The following DLGAP1 variants were observed in gnomAD, a reference collection of about 807,000 sequenced individuals.
DLGAP1 encodes the protein disks large-associated protein 1.
In DLGAP1, 11 loss-of-function variants were observed where a neutral mutation model predicts 90.8. The ratio of observed to expected loss-of-function variants is 0.12; its 90% CI spans 0.08 to 0.20. DLGAP1 has a LOEUF of 0.20. Ranked by LOEUF, DLGAP1 falls within the 10% of genes least tolerant of loss-of-function variation. The probability of loss-of-function intolerance (pLI) is 1.00; values close to 1 mark genes in which losing one functional copy is unlikely to be tolerated. For missense variants in DLGAP1, 1,050 were observed against 1,333.8 expected (o/e 0.79, Z 3.31); for synonymous variants, 558 against 540.7 (o/e 1.03, Z -0.44).
chr18:3,779,172 C>T (rs2065073952), intron 5 of DLGAP1, among the ~76,000 whole-genome samples: 1 of 152,188 alleles, frequency 6.6e-6, no homozygotes, highest in African/African-American at 2.4e-5. Flanking sequence ...TTCTCCTGTC[C>T]TGTCTCCCTG....
rs1042813741 is a variant in DLGAP1 at position 3,969,794 on chromosome 18, A to G, written c.-73+35322T>C. ...TTCTATGTCTGTCAGCTTGCAGTTA[A>G]GGAGGCTCTAGCCAGCGATGATCCT... On this transcript the variant is annotated intron_variant, in intron 3 of 12. Coordinates refer to ENST00000315677, the MANE Select transcript of DLGAP1 (RefSeq NM_004746.4). Among the ~76,000 whole-genome samples the G allele has an allele frequency of 5.3e-5, 8 of 152,180 alleles. No individual in the cohort carries two copies. In the South Asian group the frequency reaches 1.4e-3, roughly 28 times the overall value.
chr18:3,850,341 G>A (rs939218513), intron 4 of DLGAP1, among the ~76,000 whole-genome samples: 10 of 151,938 alleles, frequency 6.6e-5, no homozygotes, highest in African/African-American at 2.4e-4. Flanking sequence ...GCAGTGAGCT[G>A]AGATTGTGTC....
chr18:3,714,067 A>T (rs1232709083), intron 7 of DLGAP1, among the ~76,000 whole-genome samples: 1 of 152,176 alleles, frequency 6.6e-6, no homozygotes, highest in Non-Finnish European at 1.5e-5. Context: ...CATCAGAAAC[A>T]ATTTCTTAGG....
chr18:4,430,202 G>A (rs753826743), intron 1 of DLGAP1, among the ~76,000 whole-genome samples: 13 of 152,096 alleles, frequency 8.5e-5, no homozygotes, highest in Non-Finnish European at 1.6e-4. Flanking sequence ...TGTGGTTAGG[G>A]TATTTGTTGA....
At chr18:4,394,279 A>C (rs941946676) in intron 1 of DLGAP1, among the ~76,000 whole-genome samples, 6 of 152,212 alleles carry the variant, frequency 3.9e-5, no homozygotes, top group African/African-American at 1.4e-4. Flanking sequence ...ATAAGTGGGC[A>C]CAATTCTAAT....
intron 2 of DLGAP1, among the ~76,000 whole-genome samples, chr18:4,018,434 A>G (rs529100025): frequency 6.6e-6 from 1 of 152,368 alleles, no homozygotes; most frequent in African/African-American, 2.4e-5. Flanking sequence ...ATTTTCCAGA[A>G]GGGATACAGC....
rs180746916 is a variant in DLGAP1, at chr18:3,682,632, T to C, written c.1591+46503A>G. Among the ~76,000 whole-genome samples the C allele has an allele frequency of 7.6e-4, 116 of 152,252 alleles. 1 individual carries two copies. The East Asian group carries it at 0.021, about 28-fold the overall frequency. On this transcript the variant is annotated intron_variant, in intron 7 of 12. Coordinates refer to ENST00000315677, the MANE Select transcript of DLGAP1 (RefSeq NM_004746.4). Reference sequence around the variant, plus strand: ...AAGAAGGTGTTTGGCTATGGTTAAGTTATTTTGGTCTTAGTTGTGTAATCT... The same window carrying C: ...AAGAAGGTGTTTGGCTATGGTTAAGCTATTTTGGTCTTAGTTGTGTAATCT...
rs182600013 is a variant in DLGAP1, at chr18:3,823,486, C to T, written c.958-9213G>A. On this transcript the variant is annotated intron_variant, in intron 4 of 12. Coordinates refer to ENST00000315677, the MANE Select transcript of DLGAP1 (RefSeq NM_004746.4). Reference sequence around the variant, plus strand: ...ACTTAGTGGTATTAAATAACTTAGACCAAATGTTACAGCTTGTCAGAATTG... The same window carrying T: ...ACTTAGTGGTATTAAATAACTTAGATCAAATGTTACAGCTTGTCAGAATTG... 2.0e-4 allele frequency among the ~76,000 whole-genome samples: 30 copies of T among 152,246 alleles called. No individual in the cohort carries two copies. The East Asian group carries it at 4.0e-3, about 21-fold the overall frequency.
intron 2 of DLGAP1, among the ~76,000 whole-genome samples, chr18:4,134,410 C>T (rs896505846): frequency 6.6e-5 from 10 of 152,068 alleles, no homozygotes; most frequent in African/African-American, 2.4e-4. Flanking sequence ...CCTGCACCTT[C>T]CCCTATATTC....
At chr18:4,035,361 A>G (rs1350039049) in intron 2 of DLGAP1, among the ~76,000 whole-genome samples, 1 of 152,158 alleles carries the variant, frequency 6.6e-6, no homozygotes, top group Non-Finnish European at 1.5e-5. Flanking sequence ...AACAAAAACA[A>G]CAACAAAAAC....
chr18:4,243,510 T>A (rs1457457299), intron 1 of DLGAP1, among the ~76,000 whole-genome samples: 1 of 152,200 alleles, frequency 6.6e-6, no homozygotes, highest in Non-Finnish European at 1.5e-5. Flanking sequence ...TCATCAATGA[T>A]CTCATCATAT....
chr18:4,150,633 C>T (rs1440380578), intron 2 of DLGAP1, among the ~76,000 whole-genome samples: 1 of 152,190 alleles, frequency 6.6e-6, no homozygotes, highest in Non-Finnish European at 1.5e-5. Flanking sequence ...GGGGTTTCAC[C>T]ATATTGGCCA....
At chr18:3,969,665 C>G (rs745591469) in intron 3 of DLGAP1, among the ~76,000 whole-genome samples, 2 of 152,136 alleles carry the variant, frequency 1.3e-5, no homozygotes, top group Non-Finnish European at 1.5e-5. Context: ...GAAATTAGCA[C>G]AGATGCAGCT....
intron 1 of DLGAP1, among the ~76,000 whole-genome samples, chr18:4,281,361 G>A (rs1428508923): frequency 6.6e-6 from 1 of 152,038 alleles, no homozygotes; most frequent in African/African-American, 2.4e-5. Context: ...AATCAGCCTG[G>A]CCAACATGAT....
chr18:3,511,202 A>T (rs1158056981), intron 10 of DLGAP1, among the ~76,000 whole-genome samples: 1 of 152,144 alleles, frequency 6.6e-6, no homozygotes, highest in Non-Finnish European at 1.5e-5. Flanking sequence ...GACAACTCAT[A>T]TTTCCTTGTC....
chr18:3,940,069 A>AT (rs1486587202), intron 3 of DLGAP1, among the ~76,000 whole-genome samples: 1 of 152,208 alleles, frequency 6.6e-6, no homozygotes, highest in Non-Finnish European at 1.5e-5. Context: ...CATAAGAGAC[A>AT]TTTTGGCTTA....
At chr18:4,168,734 CCTTTT>C (rs957023835) in intron 1 of DLGAP1, among the ~76,000 whole-genome samples, 33 of 152,074 alleles carry the variant, frequency 2.2e-4, no homozygotes, top group Admixed American at 1.8e-3. Context: ...GAATTTCATT[CCTTTT>C]AAGTAAATGA....
chr18:3,691,605 A>G (rs958686877), intron 7 of DLGAP1, among the ~76,000 whole-genome samples: 3 of 152,116 alleles, frequency 2.0e-5, no homozygotes, highest in African/African-American at 7.2e-5. Context: ...TAATTCCACC[A>G]AACATTTTAA....
chr18:3,623,430 G>A lies in DLGAP1; in HGVS notation c.1592-41182C>T, dbSNP rs373823512. 1.4e-4 allele frequency among the ~76,000 whole-genome samples: 22 copies of A among 152,256 alleles called. 3 individuals are homozygous for A. Among genetic ancestry groups the A allele is most frequent in the East Asian group, 1.9e-4 (1 of 5,182 alleles). On this transcript the variant is annotated intron_variant, in intron 7 of 12. Coordinates refer to ENST00000315677, the MANE Select transcript of DLGAP1 (RefSeq NM_004746.4). The stretch of plus-strand genomic sequence containing the variant: ...CTAGACACAAATTCACCTACACAAG[G>A]GATTCAGTCCGTCTTAGGTTCTGCT...
Sources: allele counts gnomAD v4.1 joint callset (sites outside exome capture counted in the v4.1 genomes callset), GRCh38; gene constraint gnomAD v4.1.1; transcripts MANE v1.5; gene names NCBI Gene and HGNC (gene_info 2026-07-23, HGNC 2026-07-21).